Variants in CFAP95 observed in about 807,000 individuals in gnomAD.
CFAP95 encodes the protein cilia- and flagella-associated protein 95.
At chr9:69,859,711 T>C in the CFAP95 span, among the ~76,000 whole-genome samples, 1 of 152,152 alleles carries the variant, frequency 6.6e-6, no homozygotes, top group Non-Finnish European at 1.5e-5. Context: ...CCGAGAAATG[T>C]GTTGTTAGGT....
At chr9:69,891,543 A>G in the CFAP95 span, among the ~76,000 whole-genome samples, 1 of 151,992 alleles carries the variant, frequency 6.6e-6, no homozygotes, top group Non-Finnish European at 1.5e-5. Flanking sequence ...GAAATATCTA[A>G]ACTACCTATT....
At chr9:69,858,184 T>C in the CFAP95 span, 10 of 539,672 alleles carry the variant, frequency 1.9e-5, no homozygotes, top group Admixed American at 3.3e-5. Context: ...TCCTCACTAT[T>C]TGCAGATCCT....
the CFAP95 span, chr9:69,886,803 A>T: frequency 6.4e-7 from 1 of 1,553,064 alleles, no homozygotes; most frequent in Non-Finnish European, 8.8e-7. Context: ...TTCGTTTTTG[A>T]AGTCATTCTT....
At chr9:69,840,091 AG>A in the CFAP95 span, among the ~76,000 whole-genome samples, 8 of 150,622 alleles carry the variant, frequency 5.3e-5, no homozygotes, top group African/African-American at 2.0e-4. Context: ...AAAAAAAAAA[AG>A]ATTGATCATT....
chr9:69,887,001 G>T, the CFAP95 span: 2 of 770,954 alleles, frequency 2.6e-6, no homozygotes, highest in Non-Finnish European at 2.1e-6. Flanking sequence ...TAAAGCTTAT[G>T]ATATTTTACA....
At chr9:69,876,721 G>A in the CFAP95 span, among the ~76,000 whole-genome samples, 742 of 151,960 alleles carry the variant, frequency 4.9e-3, 5 homozygotes, top group African/African-American at 0.012. Flanking sequence ...TGCAACCTCC[G>A]CCTCCTGGGT....
chr9:69,844,546 G>T, the CFAP95 span: 11 of 1,608,348 alleles, frequency 6.8e-6, no homozygotes, highest in Non-Finnish European at 9.3e-6. Context: ...TTTCCCAAAG[G>T]TTATGATATA....
At chr9:69,853,201 G>A in the CFAP95 span, among the ~76,000 whole-genome samples, 2 of 152,146 alleles carry the variant, frequency 1.3e-5, no homozygotes, top group Admixed American at 1.3e-4. Flanking sequence ...CAGCAGAACA[G>A]TCTGGCCAAC....
the CFAP95 span, among the ~76,000 whole-genome samples, chr9:69,905,487 A>G: frequency 1.3e-5 from 2 of 152,230 alleles, no homozygotes; most frequent in African/African-American, 4.8e-5. Context: ...AAATTCTTAC[A>G]GCAATGTGTC....
the CFAP95 span, among the ~76,000 whole-genome samples, chr9:69,896,073 G>T: frequency 6.6e-6 from 1 of 152,090 alleles, no homozygotes; most frequent in African/African-American, 2.4e-5. Flanking sequence ...TTTCTACAGT[G>T]AACATATAAA....
At chr9:69,878,975 C>T in the CFAP95 span, among the ~76,000 whole-genome samples, 2 of 152,104 alleles carry the variant, frequency 1.3e-5, no homozygotes, top group African/African-American at 2.4e-5. Context: ...GAGCTACACA[C>T]TTTTATATGA....
chr9:69,850,858 A>G, the CFAP95 span, among the ~76,000 whole-genome samples: 1 of 152,138 alleles, frequency 6.6e-6, no homozygotes, highest in African/African-American at 2.4e-5. Flanking sequence ...AGCTTTTCCA[A>G]TATCACCACA....
At chr9:69,886,898 G>T in the CFAP95 span, 2 of 1,610,084 alleles carry the variant, frequency 1.2e-6, no homozygotes, top group African/African-American at 2.7e-5. Context: ...AGCCACATGT[G>T]AGTACAAGAA....
chr9:69,894,398 G>A, the CFAP95 span, among the ~76,000 whole-genome samples: 1 of 152,250 alleles, frequency 6.6e-6, no homozygotes, highest in South Asian at 2.1e-4. Flanking sequence ...GCTGGTAGAT[G>A]AGTAGAAGGA....
the CFAP95 span, among the ~76,000 whole-genome samples, chr9:69,869,907 A>G: frequency 1.3e-5 from 2 of 152,160 alleles, no homozygotes; most frequent in Non-Finnish European, 2.9e-5. Flanking sequence ...GTCATAGAAA[A>G]TCATTAGTTA....
the CFAP95 span, among the ~76,000 whole-genome samples, chr9:69,842,693 G>A: frequency 6.6e-6 from 1 of 152,220 alleles, no homozygotes; most frequent in African/African-American, 2.4e-5. Context: ...CCACACAGCT[G>A]GGACCTGGTT....
the CFAP95 span, among the ~76,000 whole-genome samples, chr9:69,898,638 C>A: frequency 4.6e-5 from 7 of 152,090 alleles, no homozygotes; most frequent in Non-Finnish European, 8.8e-5. Flanking sequence ...TTTTCAATTT[C>A]AGGAAAATTG....
the CFAP95 span, among the ~76,000 whole-genome samples, chr9:69,881,122 C>T: frequency 1.7e-3 from 256 of 152,134 alleles, 2 homozygotes; most frequent in Middle Eastern, 0.027. Context: ...GTTATCCCTT[C>T]GCTTTGTTGA....
chr9:69,824,947 G>T, the CFAP95 span, among the ~76,000 whole-genome samples: 3 of 152,302 alleles, frequency 2.0e-5, no homozygotes, highest in East Asian at 3.9e-4. Flanking sequence ...TTTCTGTGCT[G>T]ACTGTATTGC....
Sources: allele counts gnomAD v4.1 joint callset (sites outside exome capture counted in the v4.1 genomes callset), GRCh38; gene constraint gnomAD v4.1.1; transcripts MANE v1.5; gene names NCBI Gene and HGNC (gene_info 2026-07-23, HGNC 2026-07-21).